The following ZNF676 variants were observed in gnomAD, a reference collection of about 807,000 sequenced individuals.
ZNF676 encodes zinc finger protein 676.
Under a neutral mutation model 6.0 loss-of-function variants are expected in ZNF676, and 4 were observed. The observed-to-expected ratio is 0.67, with a 90% CI of 0.33 to 1.53. The LOEUF is 1.53. ZNF676 is among the 40% of genes most tolerant of loss of function. ZNF676 has a pLI of 0.06. For missense variants in ZNF676, 644 were observed against 679.7 expected (o/e 0.95, Z 0.58); for synonymous variants, 198 against 223.1 (o/e 0.89, Z 1.00).
chr19:22,179,974 T>G lies in ZNF676; in HGVS notation c.1743A>C (p.Lys581Asn). 6.2e-7 allele frequency: 1 copy of G among 1,613,648 alleles called. No individual in the cohort carries two copies. The highest frequency in any genetic ancestry group is 1.1e-5 in the South Asian group (1 of 91,050). ...KSSSTVSYHK[K>N]IHTGENP ...TTTAGGGATTCTCTCCAGTATGAAT[T>G]TTCTTATGATAACTAACAGTTGAGG... is the stretch of plus-strand genomic sequence containing the variant. Residue 581 changes from lysine (K) to asparagine (N), a missense_variant, in exon 3 of 3, where the codon AAA (lysine) becomes AAC (asparagine). Lys to Asn is a moderately conservative substitution (Grantham distance 94, BLOSUM62 0). This residue lies in a region of ZNF676 where 306 missense variants were observed against 265.4 expected (regional missense o/e 1.15). Coordinates refer to ENST00000397121, the MANE Select transcript of ZNF676 (RefSeq NM_001001411.3).
chr19:22,227,077 C>A, the ZNF676 span, among the ~76,000 whole-genome samples: 24 of 152,258 alleles, frequency 1.6e-4, no homozygotes, highest in Middle Eastern at 6.8e-3. Flanking sequence ...TGAAAAGCAT[C>A]CCACTTATTC....
intron 2 of ZNF676, among the ~76,000 whole-genome samples, chr19:22,182,593 A>AAAAAAAAAAAAAAAAAAAAAAAAAAAAC (rs1356303631): frequency 1.9e-4 from 17 of 90,916 alleles, no homozygotes; most frequent in African/African-American, 4.1e-4. Flanking sequence ...TCTAAAAAAA[A>AAAAAAAAAAAAAAAAAAAAAAAAAAAAC]AAAAAAAAAG....
At chr19:22,199,439 A>C (rs2144782899), upstream of ZNF676, among the ~76,000 whole-genome samples, 1 of 152,204 alleles carries the variant, frequency 6.6e-6, no homozygotes, top group Non-Finnish European at 1.5e-5. Context: ...ACGTGTGCAC[A>C]TGTACTAATG....
At chr19:22,249,515 T>G in the ZNF676 span, among the ~76,000 whole-genome samples, 1 of 152,094 alleles carries the variant, frequency 6.6e-6, no homozygotes, top group Non-Finnish European at 1.5e-5. Context: ...CAGGTTCAAG[T>G]AATTCTCCTG....
At chr19:22,234,072 A>G in the ZNF676 span, among the ~76,000 whole-genome samples, 3 of 152,238 alleles carry the variant, frequency 2.0e-5, no homozygotes, top group Admixed American at 6.5e-5. Context: ...ACATCTGGCC[A>G]TTCCTCCTTC....
At chr19:22,219,656 T>C (rs189177029), upstream of ZNF676, among the ~76,000 whole-genome samples, 417 of 151,592 alleles carry the variant, frequency 2.8e-3, 1 homozygote, top group Non-Finnish European at 4.4e-3. Flanking sequence ...TTATCACAGA[T>C]AGATTTTTTT....
intron 2 of ZNF676, among the ~76,000 whole-genome samples, chr19:22,187,911 T>C (rs1471202772): frequency 1.3e-5 from 2 of 152,052 alleles, no homozygotes; most frequent in African/African-American, 2.4e-5. Context: ...CAGAATCTGA[T>C]GGATTCACAG....
the ZNF676 span, among the ~76,000 whole-genome samples, chr19:22,245,934 T>G: frequency 1.3e-5 from 2 of 152,210 alleles, no homozygotes; most frequent in Admixed American, 6.5e-5. Context: ...CATCTCCTAG[T>G]TCATGGATGC....
At chr19:22,255,017 A>C in the ZNF676 span, among the ~76,000 whole-genome samples, 18 of 152,350 alleles carry the variant, frequency 1.2e-4, no homozygotes, top group African/African-American at 4.1e-4. Context: ...GATCTGGTTC[A>C]AGGTACGAGA....
the ZNF676 span, among the ~76,000 whole-genome samples, chr19:22,228,507 C>T: frequency 2.6e-5 from 4 of 152,042 alleles, no homozygotes; most frequent in Non-Finnish European, 5.9e-5. Context: ...CTGGCCAGGA[C>T]AATCAGGCAA....
the ZNF676 span, among the ~76,000 whole-genome samples, chr19:22,235,331 C>T: frequency 1.3e-5 from 2 of 152,148 alleles, no homozygotes; most frequent in Non-Finnish European, 2.9e-5. Context: ...GTTGCAGAGC[C>T]TTCTTCTTTT....
chr19:22,190,628 A>ATTCTATTTT (rs2023888792), intron 2 of ZNF676, among the ~76,000 whole-genome samples: 2 of 25,288 alleles, frequency 7.9e-5, no homozygotes, highest in Non-Finnish European at 2.1e-4. Context: ...AATAGAATGC[A>ATTCTATTTT]ACATATATAT....
chr19:22,185,224 A>C (rs1279959595), intron 2 of ZNF676, among the ~76,000 whole-genome samples: 14 of 152,124 alleles, frequency 9.2e-5, no homozygotes, highest in Admixed American at 4.6e-4. Context: ...CCCAGGAAAA[A>C]GGGTCTGGAG....
In ZNF676 at chr19:22,181,071, T is replaced by G. The variant is rs761947904; in HGVS notation, c.646A>C (p.Lys216Gln). The G allele has an allele frequency of 1.3e-6, 2 of 1,579,124 alleles. No homozygotes were observed. Among genetic ancestry groups the G allele is most frequent in the Non-Finnish European group, 1.7e-6 (2 of 1,158,148 alleles). Reference sequence around the variant, plus strand: ...GGTTTCTCTCCAGTATGAATTACCTTATGTTTAGTAAGGATTGAGAACTTA... The same window carrying G: ...GGTTTCTCTCCAGTATGAATTACCTGATGTTTAGTAAGGATTGAGAACTTA... ...FSKFSILTKHKVIHTGEKPYK... is the reference protein window; with the variant it reads ...FSKFSILTKHQVIHTGEKPYK... Residue 216 changes from lysine (K) to glutamine (Q), a missense_variant, in exon 3 of 3, where the codon AAG (lysine) becomes CAG (glutamine). Lys to Gln is a moderately conservative substitution (Grantham distance 53). Coordinates refer to ENST00000397121, the MANE Select transcript of ZNF676 (RefSeq NM_001001411.3).
At chr19:22,182,154 C>T (rs1296219142) in intron 2 of ZNF676, among the ~76,000 whole-genome samples, 1 of 152,028 alleles carries the variant, frequency 6.6e-6, no homozygotes. Context: ...CAAGTGATTA[C>T]TTTTCAGAAG....
chr19:22,248,624 T>A, the ZNF676 span, among the ~76,000 whole-genome samples: 1 of 152,186 alleles, frequency 6.6e-6, no homozygotes, highest in Non-Finnish European at 1.5e-5. Context: ...CCTGAGCTCC[T>A]CCCTTTCCCC....
At chr19:22,198,393 GACAAACTCATTAGGGAGGAAAA>G (rs2023992465), upstream of ZNF676, among the ~76,000 whole-genome samples, 2 of 152,128 alleles carry the variant, frequency 1.3e-5, no homozygotes, top group Admixed American at 1.3e-4. Flanking sequence ...AAGCAGTTAA[GACAAACTCATTAGGGAGGAAAA>G]ACACAGGTAC....
chr19:22,181,142 G>T lies in ZNF676; in HGVS notation c.575C>A (p.Thr192Asn). Residue 192 changes from threonine to asparagine, a missense_variant, in exon 3 of 3, where the codon ACT becomes AAT. Coordinates refer to ENST00000397121, the MANE Select transcript of ZNF676 (RefSeq NM_001001411.3). Reference sequence around the variant, plus strand: ...TTCACATTTGTAGGGTTTCTCTCCAGTATGAATACTCTTATAATAAGTAAG... The same window carrying T: ...TTCACATTTGTAGGGTTTCTCTCCATTATGAATACTCTTATAATAAGTAAG... ...STLTYYKSIH[T>N]GEKPYKCEEC... The T allele has an allele frequency of 6.2e-7, 1 of 1,613,926 alleles. No homozygotes were observed. The highest frequency in any genetic ancestry group is 8.5e-7 in the Non-Finnish European group (1 of 1,179,942).
chr19:22,214,340 C>A (rs1172230584), intron 1 of ZNF676, among the ~76,000 whole-genome samples: 1 of 152,084 alleles, frequency 6.6e-6, no homozygotes, highest in African/African-American at 2.4e-5. Context: ...TTCGGCCAGG[C>A]GTGGCGGCTT....
Sources: allele counts gnomAD v4.1 joint callset (sites outside exome capture counted in the v4.1 genomes callset), GRCh38; gene constraint gnomAD v4.1.1; regional missense constraint gnomAD v4.1.1; transcripts MANE v1.5; gene names NCBI Gene and HGNC (gene_info 2026-07-23, HGNC 2026-07-21).